The following MED21 variants were observed in gnomAD, a reference collection of about 807,000 sequenced individuals.
The protein encoded by MED21 is mediator complex subunit 21.
Under a neutral mutation model 18.2 loss-of-function variants are expected in MED21, and 9 were observed. The ratio of observed to expected loss-of-function variants is 0.49; its 90% CI spans 0.30 to 0.86. The LOEUF is 0.86. MED21 is among the 40% of genes least tolerant of loss of function. The pLI is 0.07. For synonymous variants in MED21, 73 were observed against 60.5 expected (o/e 1.21, Z -0.96); for missense variants, 150 against 170.9 (o/e 0.88, Z 0.68).
At position 27,022,562 on chromosome 12, in the gene MED21, G is replaced by T. The variant is rs764826857; in HGVS notation, c.-18G>T. 2 of 1,535,412 alleles carry T rather than the reference G, an allele frequency of 1.3e-6. No homozygotes were observed. The highest frequency in any genetic ancestry group is 2.0e-5 in the Admixed American group (1 of 50,184). On this transcript the variant is annotated 5_prime_UTR_variant, in exon 1 of 4. Transcript: ENST00000282892. Reference sequence around the variant, plus strand: ...CGGAAGAGCAGCTGTTTTGGCGTCTGTTTGCTGCGGTAGGAACATGGCGGA... The same window carrying T: ...CGGAAGAGCAGCTGTTTTGGCGTCTTTTTGCTGCGGTAGGAACATGGCGGA...
At chr12:27,031,871 G>T (rs531188594), downstream of MED21, among the ~76,000 whole-genome samples, 36 of 152,138 alleles carry the variant, frequency 2.4e-4, no homozygotes, top group Non-Finnish European at 4.6e-4. Flanking sequence ...TGAGGTTATT[G>T]TAGTGCCAGT....
At chr12:27,037,387 CAG>C (rs1941656086) in intron 2 of MED21, 1 of 151,974 alleles carries the variant, frequency 6.6e-6, no homozygotes, top group South Asian at 2.1e-4. Flanking sequence ...CGTCTGCAAA[CAG>C]GGACAATTTG....
intron 3 of MED21, among the ~76,000 whole-genome samples, 198 bp downstream of exon 3, chr12:27,027,645 C>G (rs1476830558): frequency 6.6e-6 from 1 of 152,202 alleles, no homozygotes; most frequent in Non-Finnish European, 1.5e-5. Context: ...TTATTACTCA[C>G]TGTGCATGAG....
downstream of MED21, among the ~76,000 whole-genome samples, chr12:27,033,597 C>CT (rs1273621049): frequency 6.6e-6 from 1 of 152,140 alleles, no homozygotes; most frequent in Non-Finnish European, 1.5e-5. Context: ...CTCATGGACT[C>CT]TCATTGATAG....
intron 2 of MED21, among the ~76,000 whole-genome samples, chr12:27,035,773 ATT>A (rs899343668): frequency 6.6e-6 from 1 of 151,770 alleles, no homozygotes; most frequent in Non-Finnish European, 1.5e-5. Flanking sequence ...TGAACTCATC[ATT>A]GTTTATGGCT....
intron 1 of MED21, among the ~76,000 whole-genome samples, chr12:27,025,039 A>AC (rs1204992384): frequency 6.6e-6 from 1 of 152,242 alleles, no homozygotes; most frequent in African/African-American, 2.4e-5. Context: ...TATATGCAGT[A>AC]CTTTAGTTAT....
chr12:27,023,651 C>T, intron 1 of MED21, among the ~76,000 whole-genome samples: 1 of 152,096 alleles, frequency 6.6e-6, no homozygotes, highest in Admixed American at 6.5e-5. Flanking sequence ...AAGGCCAAGT[C>T]TAGTAAGTAG....
intron 1 of MED21, 177 bp downstream of exon 1, chr12:27,022,798 C>G (rs767984719): frequency 1.3e-6 from 2 of 1,517,838 alleles, no homozygotes; most frequent in Admixed American, 4.0e-5. Flanking sequence ...GGCCGGCTGC[C>G]GGGCGGTGCT....
downstream of MED21, among the ~76,000 whole-genome samples, chr12:27,031,776 G>T (rs7971802): frequency 0.23 from 34,373 of 152,028 alleles, 4,907 homozygotes; most frequent in Non-Finnish European, 0.33. Flanking sequence ...CAAAATATGG[G>T]AGGAGTTAGG....
chr12:27,029,016 C>T lies in MED21; in HGVS notation c.*555C>T. On this transcript the variant is annotated 3_prime_UTR_variant, in exon 4 of 4. Coordinates refer to ENST00000282892, the MANE Select transcript of MED21 (RefSeq NM_004264.5). The stretch of plus-strand genomic sequence containing the variant: ...GCAAATGTTTCTTCTGCTAGAACCT[C>T]ATACCTGTTCTAGTTCATCTCCACG... 1 of 985,190 alleles carries T rather than the reference C, an allele frequency of 1.0e-6. No homozygotes were observed. Among genetic ancestry groups the T allele is most frequent in the Non-Finnish European group, 1.2e-6 (1 of 829,696 alleles). The allele number at this position is 985,190 out of a possible 1,614,324, so 61.0% of individuals were successfully genotyped here.
chr12:27,036,913 G>A (rs921519850), intron 2 of MED21, among the ~76,000 whole-genome samples: 3 of 152,214 alleles, frequency 2.0e-5, no homozygotes, highest in African/African-American at 7.2e-5. Flanking sequence ...GATTGACTTG[G>A]AGATGTGGGT....
At chr12:27,024,094 C>T (rs1006272511) in intron 1 of MED21, among the ~76,000 whole-genome samples, 5 of 152,164 alleles carry the variant, frequency 3.3e-5, no homozygotes, top group Admixed American at 1.3e-4. Context: ...ATGTGCATCC[C>T]GTTGACCAAG....
chr12:27,030,113 G>T lies in MED21; in HGVS notation c.*1652G>T. The T allele has an allele frequency of 1.6e-6, 1 of 606,758 alleles. No homozygotes were observed. Among genetic ancestry groups the T allele is most frequent in the East Asian group, 2.8e-5 (1 of 35,404 alleles). 37.6% of individuals were successfully genotyped at this position (606,758 alleles called of 1,614,324 possible). On this transcript the variant is annotated 3_prime_UTR_variant, in exon 4 of 4. Transcript: ENST00000282892. Reference sequence around the variant, plus strand: ...GTTGTTGTATGTGATTCTCTGTAGAGGATATACAGTTTTTTTTTGTTGTTC... The same window carrying T: ...GTTGTTGTATGTGATTCTCTGTAGATGATATACAGTTTTTTTTTGTTGTTC...
intron 1 of MED21, among the ~76,000 whole-genome samples, chr12:27,023,054 G>A (rs1285225653): frequency 1.3e-5 from 2 of 152,166 alleles, no homozygotes; most frequent in South Asian, 2.1e-4. Flanking sequence ...TGGATGACTG[G>A]GTTTTTGTAA....
intron 1 of MED21, among the ~76,000 whole-genome samples, chr12:27,026,047 T>C (rs1205337372): frequency 6.6e-6 from 1 of 152,314 alleles, no homozygotes; most frequent in Non-Finnish European, 1.5e-5. Flanking sequence ...TATTTACAAG[T>C]CAAATTTGCT....
intron 2 of MED21, chr12:27,037,784 C>T (rs188816488): frequency 1.6e-4 from 24 of 152,186 alleles, no homozygotes; most frequent in East Asian, 7.7e-4. Context: ...AAAATAATGA[C>T]GTGTTTTAAA....
chr12:27,033,343 C>A (rs1592338274), downstream of MED21, among the ~76,000 whole-genome samples: 1 of 152,234 alleles, frequency 6.6e-6, no homozygotes, highest in East Asian at 1.9e-4. Flanking sequence ...ACTCTTGGGC[C>A]TCTTTAGAGG....
chr12:27,038,441 A>T (rs1203940296), intron 2 of MED21: 1 of 152,220 alleles, frequency 6.6e-6, no homozygotes, highest in African/African-American at 2.4e-5. Flanking sequence ...ATCTTTATGG[A>T]ACAGAGTCAG....
chr12:27,028,483 T>G lies in MED21; in HGVS notation c.*22T>G. 6.2e-7 allele frequency: 1 copy of G among 1,602,820 alleles called. No homozygotes were observed. Among genetic ancestry groups the G allele is most frequent in the Admixed American group, 1.7e-5 (1 of 59,186 alleles). On this transcript the variant is annotated 3_prime_UTR_variant, in exon 4 of 4. Coordinates refer to ENST00000282892, the MANE Select transcript of MED21 (RefSeq NM_004264.5). ...ATAGCATCAGTGGATACCATGTGGC[T>G]GAGAAAAGAACTGTTTGAGTGCCAT...
Sources: allele counts gnomAD v4.1 joint callset (sites outside exome capture counted in the v4.1 genomes callset), GRCh38; gene constraint gnomAD v4.1.1; transcripts MANE v1.5; gene names NCBI Gene and HGNC (gene_info 2026-07-23, HGNC 2026-07-21).